The following CYP2A7 variants were observed in gnomAD, a reference collection of about 807,000 sequenced individuals.
The protein encoded by CYP2A7 is cytochrome P450 family 2 subfamily A member 7.
CYP2A7 carries 36 observed loss-of-function variants against 42.0 expected under a neutral mutation model. The observed-to-expected ratio is 0.86, with a 90% CI of 0.66 to 1.13. The LOEUF (loss-of-function observed/expected upper bound fraction) is 1.13. Ranked by LOEUF, CYP2A7 falls within the 50% of genes most tolerant of loss-of-function variation. The pLI is 0.00. For synonymous variants in CYP2A7, 260 were observed against 249.5 expected, an observed-to-expected ratio of 1.04 and a Z score of -0.40; for missense variants, 661 against 634.1, an observed-to-expected ratio of 1.04 and a Z score of -0.46.
In CYP2A7 at chr19:40,877,259, G is replaced by A. The variant is rs141946981; in HGVS notation, c.1092C>T (p.Asp364=). 94 of 1,612,794 alleles carry A rather than the reference G, an allele frequency of 5.8e-5. 1 individual carries two copies. In the African/African-American group the frequency reaches 9.9e-4, roughly 17 times the overall value. The change falls in exon 7 of 9, where the codon GAC becomes GAT. Residue 364 remains aspartate (D), a synonymous_variant. Coordinates refer to ENST00000301146, the MANE Select transcript of CYP2A7 (RefSeq NM_000764.3). ...AVIHEIQRFG[D]VIPMSLARRV... ...TGCGGGCCAAACTCATGGGGATCAC[G>A]TCTCCAAATCTTTGGATCTCGTGGA...
At position 40,877,236 on chromosome 19, in the gene CYP2A7, C is replaced by T. The variant is rs73553091; in HGVS notation, c.1115G>A (p.Arg372His). The T allele has an allele frequency of 1.8e-3, 2,842 of 1,612,654 alleles. 60 individuals carry two copies. The African/African-American group carries it at 0.03, about 17-fold the overall frequency. The change falls in exon 7 of 9, where the codon CGC becomes CAC. Residue 372 changes from arginine (R) to histidine (H), a missense_variant. Physicochemically the swap from Arg to His is conservative, Grantham distance 29. This residue lies in a region of CYP2A7 where 614 missense variants were observed against 552.4 expected (regional missense o/e 1.11). Transcript: ENST00000301146. ...FGDVIPMSLA[R>H]RVKKDTKFRD... ...AAACTTGGTGTCCTTTTTAACCCTG[C>T]GGGCCAAACTCATGGGGATCACGTC...
intron 1 of CYP2A7, 41 bp from the exon 2 acceptor site, chr19:40,881,792 C>T: frequency 6.2e-7 from 1 of 1,600,534 alleles, no homozygotes; most frequent in Non-Finnish European, 8.5e-7. Context: ...GAGCAGCCCC[C>T]ACTCTGAATG....
intron 1 of CYP2A7, 58 bp downstream of exon 1, chr19:40,881,973 G>A (rs761054368): frequency 3.8e-6 from 6 of 1,576,202 alleles, no homozygotes; most frequent in East Asian, 2.2e-5. Context: ...CTGCCACAAA[G>A]CCCCAGCCAA....
At position 40,877,260 on chromosome 19, in the gene CYP2A7, T is replaced by C. The variant is rs1356015063; in HGVS notation, c.1091A>G (p.Asp364Gly). ...AVIHEIQRFG[D>G]VIPMSLARRV... is the part of the protein sequence containing the mutation. ...GCGGGCCAAACTCATGGGGATCACG[T>C]CTCCAAATCTTTGGATCTCGTGGAT... Residue 364 changes from aspartate (D) to glycine (G), a missense_variant, in exon 7 of 9, where the codon GAC (aspartate) becomes GGC (glycine). Asp to Gly is a moderately conservative substitution (Grantham distance 94). Transcript: ENST00000301146. 1 of 1,612,786 alleles carries C rather than the reference T, an allele frequency of 6.2e-7. No homozygotes were observed. The highest frequency in any genetic ancestry group is 1.7e-5 in the Admixed American group (1 of 59,862).
rs576804869 is a variant in CYP2A7, at chr19:40,875,629, A to T, written c.*64T>A. 1,189 of 1,608,806 alleles carry T rather than the reference A, an allele frequency of 7.4e-4. 21 individuals carry two copies. Among genetic ancestry groups the T allele is most frequent in the Middle Eastern group, 5.0e-3 (30 of 6,038 alleles). On this transcript the variant is annotated 3_prime_UTR_variant, in exon 9 of 9. Coordinates refer to ENST00000301146, the MANE Select transcript of CYP2A7 (RefSeq NM_000764.3). ...ATTCTTATACCCGCCTCTTCCGCGA[A>T]CCCCGCCCTGACCCCGCCTTTCCCT...
chr19:40,876,835 T>G (rs987544326), intron 7 of CYP2A7, 167 bp from the exon 8 acceptor site: 5 of 972,504 alleles, frequency 5.1e-6, no homozygotes, highest in Non-Finnish European at 7.5e-6. Flanking sequence ...GGTTCACATC[T>G]CTGAAACAGG....
intron 7 of CYP2A7, 93 bp downstream of exon 7, chr19:40,877,097 C>T: frequency 7.8e-6 from 11 of 1,407,266 alleles, no homozygotes; most frequent in Middle Eastern, 1.8e-4. Context: ...GGGAGTGGGA[C>T]AGTGAGTAGA....
Position 40,882,089 on chromosome 19 carries a change from G to C in CYP2A7, c.122C>G (p.Pro41Arg). The C allele has an allele frequency of 6.2e-7, 1 of 1,613,934 alleles. No individual in the cohort carries two copies. The highest frequency in any genetic ancestry group is 8.5e-7 in the Non-Finnish European group (1 of 1,179,900). The change falls in exon 1 of 9, where the codon CCC becomes CGC. Residue 41 changes from proline to arginine, a missense_variant. Coordinates refer to ENST00000301146, the MANE Select transcript of CYP2A7 (RefSeq NM_000764.3). Reference protein sequence around the residue: ...GKLPPGPTPLPFIGNYLQLNT... With the variant: ...GKLPPGPTPLRFIGNYLQLNT... ...CAGCTGGAGGTAGTTTCCAATGAAG[G>C]GCAGTGGGGTGGGTCCCGGAGGCAG...
At position 40,877,262 on chromosome 19, in the gene CYP2A7, T is replaced by C. The variant is rs753269535; in HGVS notation, c.1089A>G (p.Gly363=). The part of the protein sequence containing the change: ...EAVIHEIQRF[G]DVIPMSLARR... ...GGGCCAAACTCATGGGGATCACGTC[T>C]CCAAATCTTTGGATCTCGTGGATCA... The change falls in exon 7 of 9, where the codon GGA becomes GGG. Residue 363 remains glycine, a synonymous_variant. Coordinates refer to ENST00000301146, the MANE Select transcript of CYP2A7 (RefSeq NM_000764.3). 1.2e-6 allele frequency: 2 copies of C among 1,612,770 alleles called. No homozygotes were observed. Among genetic ancestry groups the C allele is most frequent in the Non-Finnish European group, 1.7e-6 (2 of 1,179,162 alleles).
At chr19:40,881,040 G>A (rs1273198159) in intron 2 of CYP2A7, among the ~76,000 whole-genome samples, 1 of 150,990 alleles carries the variant, frequency 6.6e-6, no homozygotes, top group Non-Finnish European at 1.5e-5. Flanking sequence ...GATCTGGGAG[G>A]AGGAAATAAA....
In CYP2A7 at chr19:40,875,647, C is replaced by G. The variant is rs1006493102; in HGVS notation, c.*46G>C. ...TCCGCGAACCCCGCCCTGACCCCGC[C>G]TTTCCCTGGCCCCGCCCACCAGACC... On this transcript the variant is annotated 3_prime_UTR_variant, in exon 9 of 9. Coordinates refer to ENST00000301146, the MANE Select transcript of CYP2A7 (RefSeq NM_000764.3). 3 of 1,610,956 alleles carry G rather than the reference C, an allele frequency of 1.9e-6. No individual in the cohort carries two copies. In the African/African-American group the frequency reaches 4.0e-5, roughly 22 times the overall value.
At position 40,878,889 on chromosome 19, in the gene CYP2A7, C is replaced by G; in HGVS notation, c.702G>C (p.Gln234His). 3 of 1,610,526 alleles carry G rather than the reference C, an allele frequency of 1.9e-6. No individual in the cohort carries two copies. Among genetic ancestry groups the G allele is most frequent in the Non-Finnish European group, 2.5e-6 (3 of 1,177,368 alleles). Residue 234 changes from glutamine (Q) to histidine (H), a missense_variant, in exon 5 of 9, where the codon CAG becomes CAC. By Grantham distance (24) the Gln-to-His change is conservative. Transcript: ENST00000301146. The stretch of plus-strand genomic sequence containing the variant: ...CTTGCAGCAACTTAAAGGCCTGTTG[C>G]TGTGGTCCTGGCAGGTGTTTCATCA... ...SSVMKHLPGP[Q>H]QQAFKLLQGL...
rs200640401 is a variant in CYP2A7 at position 40,880,257 on chromosome 19, A to C, written c.494-13T>G. ...TCGATATTGGCGCCTGCGGGTGTGG[A>C]GGGAGAAGGGGGTTGGGGAGAGAGT... On this transcript the variant is annotated splice_polypyrimidine_tract_variant and intron_variant, in intron 3 of 8. Coordinates refer to ENST00000301146, the MANE Select transcript of CYP2A7 (RefSeq NM_000764.3). 2.9e-5 allele frequency: 47 copies of C among 1,612,212 alleles called. No individual in the cohort carries two copies. The highest frequency in any genetic ancestry group is 2.0e-4 in the South Asian group (18 of 90,952).
intron 3 of CYP2A7, 102 bp downstream of exon 3, chr19:40,880,377 G>T (rs3815705): frequency 5.2e-6 from 8 of 1,545,420 alleles, no homozygotes; most frequent in South Asian, 3.7e-5. Flanking sequence ...AAGTGCGGGC[G>T]CCTTTCCCCA....
Position 40,881,623 on chromosome 19 carries a change from C to T in CYP2A7, c.309G>A (p.Glu103=). ...TGAAGACCCAGTCGAAGGTGGCTTGCTCGCCTCGCCCGCTGAACTCCTCAG... is the reference window on the plus strand; with the variant it reads ...TGAAGACCCAGTCGAAGGTGGCTTGTTCGCCTCGCCCGCTGAACTCCTCAG... ...DQAEEFSGRG[E]QATFDWVFKG... The change falls in exon 2 of 9, where the codon GAG becomes GAA. Residue 103 remains glutamate, a synonymous_variant. Transcript: ENST00000301146. The T allele has an allele frequency of 6.2e-7, 1 of 1,612,574 alleles. No homozygotes were observed. Among genetic ancestry groups the T allele is most frequent in the Non-Finnish European group, 8.5e-7 (1 of 1,179,660 alleles).
At position 40,877,386 on chromosome 19, in the gene CYP2A7, G is replaced by C. The variant is rs200054736; in HGVS notation, c.974-9C>G. ...CTCCTCATGGACCTTGGCTGGGGGA[G>C]GAGGGGGAATGTGTTTAGGTATCTG... On this transcript the variant is annotated splice_polypyrimidine_tract_variant and intron_variant, in intron 6 of 8. Coordinates refer to ENST00000301146, the MANE Select transcript of CYP2A7 (RefSeq NM_000764.3). The C allele has an allele frequency of 9.9e-6, 16 of 1,610,808 alleles. No homozygotes were observed. Among genetic ancestry groups the C allele is most frequent in the African/African-American group, 4.0e-5 (3 of 74,802 alleles).
In CYP2A7 at chr19:40,875,600, C is replaced by T. The variant is rs1211996136; in HGVS notation, c.*93G>A. The T allele has an allele frequency of 1.3e-6, 2 of 1,592,212 alleles. No individual in the cohort carries two copies. The highest frequency in any genetic ancestry group is 1.7e-6 in the Non-Finnish European group (2 of 1,165,908). ...CGCCCCTTCCTTTCCCGCATCTTCCCCCCATTCTTATACCCGCCTCTTCCG... is the reference window on the plus strand; with the variant it reads ...CGCCCCTTCCTTTCCCGCATCTTCCTCCCATTCTTATACCCGCCTCTTCCG... On this transcript the variant is annotated 3_prime_UTR_variant, in exon 9 of 9. Coordinates refer to ENST00000301146, the MANE Select transcript of CYP2A7 (RefSeq NM_000764.3).
rs764483968 is a variant in CYP2A7, at chr19:40,875,686, C to T, written c.*7G>A. On this transcript the variant is annotated 3_prime_UTR_variant, in exon 9 of 9. Coordinates refer to ENST00000301146, the MANE Select transcript of CYP2A7 (RefSeq NM_000764.3). ...GCCCACCAGACCTGCACCGGCACAGCCCTCGCTCAGCGGGGCAGGAAGCTC... is the reference window on the plus strand; with the variant it reads ...GCCCACCAGACCTGCACCGGCACAGTCCTCGCTCAGCGGGGCAGGAAGCTC... 85 of 1,610,850 alleles carry T rather than the reference C, an allele frequency of 5.3e-5. 2 individuals carry two copies. Among genetic ancestry groups the T allele is most frequent in the South Asian group, 3.4e-4 (31 of 90,834 alleles).
Position 40,877,241 on chromosome 19 carries a change from C to G in CYP2A7, c.1110G>C (p.Leu370Phe), listed in dbSNP as rs748015202. The change falls in exon 7 of 9, where the codon TTG becomes TTC. Residue 370 changes from leucine (L) to phenylalanine (F), a missense_variant. Transcript: ENST00000301146. ...QRFGDVIPMSLARRVKKDTKF... is the reference protein window; with the variant it reads ...QRFGDVIPMSFARRVKKDTKF... ...TGGTGTCCTTTTTAACCCTGCGGGC[C>G]AAACTCATGGGGATCACGTCTCCAA... 1 of 1,612,766 alleles carries G rather than the reference C, an allele frequency of 6.2e-7. No homozygotes were observed. Among genetic ancestry groups the G allele is most frequent in the Non-Finnish European group, 8.5e-7 (1 of 1,179,178 alleles).
Sources: gnomAD v4.1 joint callset for allele counts (sites outside exome capture counted in the v4.1 genomes callset) on GRCh38, gnomAD v4.1.1 for gene constraint, gnomAD v4.1.1 regional missense constraint, MANE v1.5 for transcripts, NCBI Gene and HGNC (gene_info 2026-07-23, HGNC 2026-07-21) for gene names.